Variants in OPCML observed in about 807,000 individuals in gnomAD.
OPCML encodes the protein opioid binding protein/cell adhesion molecule like.
Under a neutral mutation model 37.8 loss-of-function variants are expected in OPCML, and 13 were observed. That is an observed-to-expected ratio of 0.34 (90% confidence interval 0.22 to 0.55). The LOEUF (loss-of-function observed/expected upper bound fraction) is 0.55. Ranked by LOEUF, OPCML falls within the 20% of genes least tolerant of loss-of-function variation. The probability of loss-of-function intolerance (pLI) is 0.91; values close to 1 mark genes in which losing one functional copy is unlikely to be tolerated. For synonymous variants in OPCML, 176 were observed against 168.8 expected, an observed-to-expected ratio of 1.04 and a Z score of -0.33; for missense variants, 341 against 435.6, an observed-to-expected ratio of 0.78 and a Z score of 1.93.
intron 4 of OPCML, among the ~76,000 whole-genome samples, chr11:132,491,122 G>A (rs554638465): frequency 1.7e-4 from 26 of 152,218 alleles, no homozygotes; most frequent in African/African-American, 4.8e-4. Context: ...GTTGAGGCCC[G>A]CACATCTCTC....
intron 1 of OPCML, among the ~76,000 whole-genome samples, chr11:133,281,878 C>T (rs78942685): frequency 0.013 from 1,985 of 152,060 alleles, 40 homozygotes; most frequent in African/African-American, 0.043. Context: ...GTACTGTATC[C>T]GCACCCTAGG....
At chr11:133,005,126 G>T in intron 1 of OPCML, 1 of 985,300 alleles carries the variant, frequency 1.0e-6, no homozygotes, top group African/African-American at 1.7e-5. Flanking sequence ...TCCAAACTTA[G>T]AATGAAATCC....
At chr11:133,028,457 C>A (rs1591927198) in intron 1 of OPCML, among the ~76,000 whole-genome samples, 1 of 151,944 alleles carries the variant, frequency 6.6e-6, no homozygotes, top group South Asian at 2.1e-4. Context: ...GACAAGTACA[C>A]ACATTGCTTA....
At chr11:133,015,988 T>C (rs1947327135) in intron 1 of OPCML, among the ~76,000 whole-genome samples, 1 of 152,212 alleles carries the variant, frequency 6.6e-6, no homozygotes, top group Non-Finnish European at 1.5e-5. Context: ...CCAAGGCTCC[T>C]TGTGCCCATC....
chr11:132,815,269 T>C (rs1392575344), intron 2 of OPCML, among the ~76,000 whole-genome samples: 1 of 152,170 alleles, frequency 6.6e-6, no homozygotes, highest in Non-Finnish European at 1.5e-5. Flanking sequence ...GCTATGAGAA[T>C]AGAAGTCTCC....
At chr11:133,079,651 C>T (rs890181305) in intron 1 of OPCML, among the ~76,000 whole-genome samples, 2 of 152,176 alleles carry the variant, frequency 1.3e-5, no homozygotes, top group African/African-American at 4.8e-5. Context: ...GTTCCCATTT[C>T]ATCTCTTGCA....
intron 4 of OPCML, among the ~76,000 whole-genome samples, chr11:132,506,567 T>C (rs60765260): frequency 5.3e-4 from 80 of 152,256 alleles, no homozygotes; most frequent in African/African-American, 1.8e-3. Context: ...TTTGATAGTC[T>C]GAGAAACACA....
chr11:133,251,091 G>A (rs1301906294), intron 1 of OPCML, among the ~76,000 whole-genome samples: 1 of 152,080 alleles, frequency 6.6e-6, no homozygotes, highest in Non-Finnish European at 1.5e-5. Context: ...ACTCCATCAT[G>A]TTTATATAGG....
intron 2 of OPCML, among the ~76,000 whole-genome samples, chr11:132,927,876 T>C (rs1945051612): frequency 6.6e-6 from 1 of 152,100 alleles, no homozygotes; most frequent in African/African-American, 2.4e-5. Flanking sequence ...TAAGTTGTTA[T>C]CAATTTAAAA....
chr11:133,421,563 G>A, intron 1 of OPCML: 1 of 985,404 alleles, frequency 1.0e-6, no homozygotes, highest in Non-Finnish European at 1.2e-6. Flanking sequence ...TGTTGATTCA[G>A]CAACAGAGAT....
At chr11:133,184,302 A>G (rs1937972573) in intron 1 of OPCML, among the ~76,000 whole-genome samples, 1 of 152,242 alleles carries the variant, frequency 6.6e-6, no homozygotes, top group African/African-American at 2.4e-5. Flanking sequence ...AGGACAAGGC[A>G]GTACAACGTG....
chr11:133,029,071 T>A (rs138468128), intron 1 of OPCML, among the ~76,000 whole-genome samples: 2 of 152,124 alleles, frequency 1.3e-5, no homozygotes, highest in Non-Finnish European at 2.9e-5. Context: ...AACAGACACT[T>A]CTTTAAAAAA....
intron 1 of OPCML, among the ~76,000 whole-genome samples, chr11:133,458,775 G>A (rs1485193297): frequency 7.7e-5 from 10 of 129,756 alleles, no homozygotes; most frequent in African/African-American, 3.2e-4. Flanking sequence ...GCACGTGTGT[G>A]TATATACACA....
intron 1 of OPCML, among the ~76,000 whole-genome samples, chr11:133,076,129 GT>G (rs927383590): frequency 1.3e-5 from 2 of 150,884 alleles, no homozygotes; most frequent in African/African-American, 2.4e-5. Context: ...ACACTTTTTT[GT>G]TTTTTTCATA....
intron 2 of OPCML, among the ~76,000 whole-genome samples, chr11:132,711,944 AC>A (rs1289346207): frequency 2.6e-5 from 4 of 152,188 alleles, no homozygotes; most frequent in Non-Finnish European, 4.4e-5. Flanking sequence ...CTAAATAGAA[AC>A]AACAGTTTGC....
intron 1 of OPCML, among the ~76,000 whole-genome samples, chr11:133,016,342 G>A (rs1354587603): frequency 1.3e-5 from 2 of 152,054 alleles, no homozygotes; most frequent in South Asian, 2.1e-4. Context: ...TTGGAGTTGT[G>A]GGACTGAAGT....
chr11:132,505,455 C>A (rs1345712215), intron 4 of OPCML, among the ~76,000 whole-genome samples: 1 of 152,006 alleles, frequency 6.6e-6, no homozygotes, highest in African/African-American at 2.4e-5. Context: ...TTGTAGACAG[C>A]CACCTGACAA....
At chr11:133,475,431 TACAG>T (rs1442895281) in intron 1 of OPCML, among the ~76,000 whole-genome samples, 3 of 152,146 alleles carry the variant, frequency 2.0e-5, no homozygotes, top group Admixed American at 6.5e-5. Flanking sequence ...TTTTATCCAT[TACAG>T]ACAAAGAGAC....
chr11:133,093,548 T>C (rs1237040948), intron 1 of OPCML, among the ~76,000 whole-genome samples: 2 of 152,186 alleles, frequency 1.3e-5, no homozygotes, highest in East Asian at 1.9e-4. Flanking sequence ...TTAATGCTCA[T>C]AGTGATCTAT....
Sources: allele counts gnomAD v4.1 joint callset (sites outside exome capture counted in the v4.1 genomes callset), GRCh38; gene constraint gnomAD v4.1.1; transcripts MANE v1.5; gene names NCBI Gene and HGNC (gene_info 2026-07-23, HGNC 2026-07-21).